TRIM36: variants seen among roughly 807,000 people sequenced by gnomAD.
The protein encoded by TRIM36 is tripartite motif containing 36, also known as E3 ubiquitin-protein ligase TRIM36.
A neutral mutation model predicts 72.4 loss-of-function variants in TRIM36; 42 were observed. The observed-to-expected ratio is 0.58, with a 90% CI of 0.45 to 0.75. TRIM36 has a LOEUF of 0.75. TRIM36 is among the 30% of genes least tolerant of loss of function. TRIM36 has a pLI of 0.00. For synonymous variants in TRIM36, 315 were observed against 282.8 expected, an observed-to-expected ratio of 1.11 and a Z score of -1.14; for missense variants, 913 against 857.1, an observed-to-expected ratio of 1.07 and a Z score of -0.81.
chr5:115,134,121 C>T lies in TRIM36; in HGVS notation c.1237G>A (p.Glu413Lys). Residue 413 changes from glutamate to lysine, a missense_variant, in exon 8 of 10, where the codon GAA (glutamate) becomes AAA (lysine). Physicochemically the swap from Glu to Lys is moderately conservative, Grantham distance 56. Coordinates refer to ENST00000513154, the MANE Select transcript of TRIM36 (RefSeq NM_001300759.2). The part of the protein sequence containing the change: ...SGIDVPEINE[E>K]QSKVYNNALI... ...GCATTGTTATAAACTTTGCTCTGTTCCTCATTGATCTCTGGCACGTCTATG... is the reference window on the plus strand; with the variant it reads ...GCATTGTTATAAACTTTGCTCTGTTTCTCATTGATCTCTGGCACGTCTATG... 1.9e-6 allele frequency: 3 copies of T among 1,599,136 alleles called. No homozygotes were observed. Among genetic ancestry groups the T allele is most frequent in the Non-Finnish European group, 2.6e-6 (3 of 1,172,332 alleles).
chr5:115,155,138 A>C (rs1754103487), intron 2 of TRIM36, among the ~76,000 whole-genome samples: 1 of 152,150 alleles, frequency 6.6e-6, no homozygotes. Context: ...GTGGTGAGCC[A>C]AGATCGTGCT....
chr5:115,154,594 G>T (rs1229488928), intron 2 of TRIM36, among the ~76,000 whole-genome samples: 1 of 152,116 alleles, frequency 6.6e-6, no homozygotes, highest in Non-Finnish European at 1.5e-5. Context: ...AGAAGAGACA[G>T]ATAAATTATT....
chr5:115,167,473 C>T (rs528177287), intron 1 of TRIM36, among the ~76,000 whole-genome samples: 5 of 152,288 alleles, frequency 3.3e-5, no homozygotes, highest in Admixed American at 6.5e-5. Context: ...TTTTACGCTC[C>T]GCTTCATCTC....
Position 115,125,389 on chromosome 5 carries a change from T to G in TRIM36, c.*1114A>C, listed in dbSNP as rs562625244. 61 of 152,196 alleles carry G rather than the reference T, an allele frequency of 4.0e-4. No individual in the cohort carries two copies. Among genetic ancestry groups the G allele is most frequent in the Admixed American group, 1.6e-3 (25 of 15,278 alleles). 9.4% of individuals were successfully genotyped at this position (152,196 alleles called of 1,614,324 possible). A position where few individuals can be genotyped will look rare whatever the true frequency, so the allele number is the denominator to read the frequency against. Reference sequence around the variant, plus strand: ...GGGTACACAGTCATTGTGATCTTAGTTATCATTTCTAAGTAATTAAATTTG... The same window carrying G: ...GGGTACACAGTCATTGTGATCTTAGGTATCATTTCTAAGTAATTAAATTTG... On this transcript the variant is annotated 3_prime_UTR_variant, in exon 10 of 10. Coordinates refer to ENST00000513154, the MANE Select transcript of TRIM36 (RefSeq NM_001300759.2).
At chr5:115,177,414 A>C in intron 1 of TRIM36, 2 of 628,954 alleles carry the variant, frequency 3.2e-6, no homozygotes, top group Non-Finnish European at 4.1e-6. Flanking sequence ...GGCCAACTAC[A>C]GGCCTCTACT....
At position 115,137,662 on chromosome 5, in the gene TRIM36, T is replaced by C. The variant is rs765902602; in HGVS notation, c.832-46A>G. ...CATTACACTAAGATAAAACAAAGAA[T>C]AGCCTCTTCTGCTAAACCCAAATGG... On this transcript the variant is annotated intron_variant, in intron 5 of 9. Coordinates refer to ENST00000513154, the MANE Select transcript of TRIM36 (RefSeq NM_001300759.2). The C allele has an allele frequency of 4.0e-6, 6 of 1,507,016 alleles. No homozygotes were observed. In the Admixed American group the frequency reaches 6.9e-5, roughly 17 times the overall value. 93.4% of individuals were successfully genotyped at this position (1,507,016 alleles called of 1,614,324 possible).
At chr5:115,166,480 T>C (rs1466344356) in intron 1 of TRIM36, among the ~76,000 whole-genome samples, 1 of 152,174 alleles carries the variant, frequency 6.6e-6, no homozygotes, top group Non-Finnish European at 1.5e-5. Context: ...CGGGAGGAAC[T>C]GCCTGCAGAA....
intron 7 of TRIM36, among the ~76,000 whole-genome samples, chr5:115,135,011 T>C (rs1752888803): frequency 6.6e-6 from 1 of 152,226 alleles, no homozygotes; most frequent in South Asian, 2.1e-4. Context: ...AACCTTTTTG[T>C]ATAGATCTCG....
chr5:115,148,786 C>A (rs147955967), intron 2 of TRIM36: 1 of 152,274 alleles, frequency 6.6e-6, no homozygotes, highest in East Asian at 1.9e-4. Context: ...ACTTCTTAAC[C>A]TACACCTTCT....
intron 2 of TRIM36, among the ~76,000 whole-genome samples, chr5:115,158,318 A>C (rs73780078): frequency 0.022 from 3,414 of 152,336 alleles, 56 homozygotes; most frequent in African/African-American, 0.048. Flanking sequence ...AAAAGTCAGC[A>C]TAATTTTAAA....
chr5:115,164,798 A>C (rs1290007583), intron 1 of TRIM36, among the ~76,000 whole-genome samples: 1 of 152,234 alleles, frequency 6.6e-6, no homozygotes, highest in South Asian at 2.1e-4. Context: ...GCATTAGCTC[A>C]AAAGTCCAAG....
Position 115,126,776 on chromosome 5 carries a change from T to C in TRIM36, c.1878A>G (p.Ile626Met). 6.2e-7 allele frequency: 1 copy of C among 1,614,150 alleles called. No individual in the cohort carries two copies. Among genetic ancestry groups the C allele is most frequent in the Non-Finnish European group, 8.5e-7 (1 of 1,180,012 alleles). ...DSSQPFTLVT[I>M]GMQKFFIPKS... ...TGGGTATAAAAAATTTCTGCATGCCTATAGTAACTAAGGTAAATGGTTGTG... is the reference window on the plus strand; with the variant it reads ...TGGGTATAAAAAATTTCTGCATGCCCATAGTAACTAAGGTAAATGGTTGTG... The change falls in exon 10 of 10, where the codon ATA (isoleucine) becomes ATG (methionine). Residue 626 changes from isoleucine to methionine, a missense_variant. Physicochemically the swap from Ile to Met is conservative, Grantham distance 10. Transcript: ENST00000513154.
chr5:115,152,907 A>G (rs1753971238), intron 2 of TRIM36, among the ~76,000 whole-genome samples: 1 of 152,160 alleles, frequency 6.6e-6, no homozygotes, highest in Non-Finnish European at 1.5e-5. Context: ...TCAAAACAGA[A>G]CCTCTTTAAA....
intron 4 of TRIM36, among the ~76,000 whole-genome samples, chr5:115,144,291 T>A (rs1753454576): frequency 6.6e-6 from 1 of 152,168 alleles, no homozygotes; most frequent in Admixed American, 6.5e-5. Context: ...ATCCTATGTA[T>A]ACATCCATTA....
intron 9 of TRIM36, among the ~76,000 whole-genome samples, chr5:115,128,343 T>C (rs1381776561): frequency 1.5e-5 from 2 of 137,890 alleles, no homozygotes; most frequent in Middle Eastern, 3.4e-3. Flanking sequence ...TACTCCAGCC[T>C]GGGCAACAAA....
At chr5:115,167,288 C>T (rs763249597) in intron 1 of TRIM36, among the ~76,000 whole-genome samples, 3 of 152,316 alleles carry the variant, frequency 2.0e-5, no homozygotes, top group Middle Eastern at 3.4e-3. Context: ...CCCTGCCAAA[C>T]GGAGGGACTG....
At chr5:115,163,470 T>G in intron 2 of TRIM36, 48 bp downstream of exon 2, 1 of 1,505,344 alleles carries the variant, frequency 6.6e-7, no homozygotes. Context: ...AATATATATC[T>G]ATAAGCTTAC....
chr5:115,157,109 A>G (rs183037974), intron 2 of TRIM36, among the ~76,000 whole-genome samples: 184 of 152,216 alleles, frequency 1.2e-3, no homozygotes, highest in African/African-American at 4.3e-3. Context: ...CAAAACCACA[A>G]TGTGATACCA....
intron 2 of TRIM36, among the ~76,000 whole-genome samples, chr5:115,154,096 A>C (rs1379802018): frequency 6.6e-6 from 1 of 152,118 alleles, no homozygotes. Context: ...GGTCAAAAAA[A>C]AAATGAAATT....
Sources: gnomAD v4.1 joint callset for allele counts (sites outside exome capture counted in the v4.1 genomes callset) on GRCh38, gnomAD v4.1.1 for gene constraint, MANE v1.5 for transcripts, NCBI Gene and HGNC (gene_info 2026-07-23, HGNC 2026-07-21) for gene names.